MRC1: variants seen among roughly 807,000 people sequenced by gnomAD.
The protein encoded by MRC1 is macrophage mannose receptor 1.
MRC1 carries 62 observed loss-of-function variants against 102.9 expected under a neutral mutation model. That is an observed-to-expected ratio of 0.60 (90% confidence interval 0.49 to 0.74). MRC1 has a LOEUF of 0.74. Among genes scored for constraint, MRC1 ranks in the 30% least tolerant of loss-of-function variants. The pLI, the probability that MRC1 is intolerant of heterozygous loss-of-function variation, is 0.00. For synonymous variants in MRC1, 457 were observed against 298.4 expected (o/e 1.53, Z -5.48); for missense variants, 1,237 against 862.8 (o/e 1.43, Z -5.43).
At chr10:17,894,875 T>G (rs1174376125) in intron 23 of MRC1, among the ~76,000 whole-genome samples, 1 of 152,114 alleles carries the variant, frequency 6.6e-6, no homozygotes, top group African/African-American at 2.4e-5. Context: ...AAATGTACTT[T>G]AAAATATATA....
chr10:17,812,527 G>A (rs1838239360), intron 1 of MRC1, among the ~76,000 whole-genome samples: 1 of 149,994 alleles, frequency 6.7e-6, no homozygotes, highest in Non-Finnish European at 1.5e-5. Context: ...CTGACTTGAT[G>A]CCCCTGGGGG....
chr10:17,873,987 A>G (rs1833391108), intron 16 of MRC1, among the ~76,000 whole-genome samples, 162 bp downstream of exon 16: 1 of 152,216 alleles, frequency 6.6e-6, no homozygotes, highest in African/African-American at 2.4e-5. Context: ...CTCTCCAGAG[A>G]GAAGCTCATA....
intron 9 of MRC1, among the ~76,000 whole-genome samples, chr10:17,860,374 C>T (rs1833166888): frequency 1.3e-5 from 2 of 151,610 alleles, no homozygotes; most frequent in African/African-American, 4.8e-5. Flanking sequence ...CTCCTTGGCT[C>T]AGTCAATCCT....
intron 6 of MRC1, among the ~76,000 whole-genome samples, chr10:17,846,505 C>G (rs1306225824): frequency 7.2e-5 from 11 of 152,086 alleles, no homozygotes; most frequent in African/African-American, 2.7e-4. Flanking sequence ...CTTGACATAG[C>G]TAGAGATTCA....
intron 21 of MRC1, among the ~76,000 whole-genome samples, chr10:17,884,288 C>T (rs1232293558): frequency 6.6e-6 from 1 of 152,162 alleles, no homozygotes; most frequent in African/African-American, 2.4e-5. Context: ...AGCATTTTAG[C>T]ATCAGGATGG....
intron 17 of MRC1, among the ~76,000 whole-genome samples, chr10:17,877,600 A>G (rs1379184667): frequency 6.6e-6 from 1 of 152,042 alleles, no homozygotes; most frequent in Non-Finnish European, 1.5e-5. Context: ...ATTCTCCATA[A>G]TGTTAAATGC....
chr10:17,910,473 A>T lies in MRC1; in HGVS notation c.*8A>T. ...GAACACTCGGTCATCTAGTACCTCA[A>T]TGCGATTCTGAGATATTTGAATTTC... On this transcript the variant is annotated 3_prime_UTR_variant, in exon 30 of 30. Coordinates refer to ENST00000569591, the MANE Select transcript of MRC1 (RefSeq NM_002438.4). 1 of 780,802 alleles carries T rather than the reference A, an allele frequency of 1.3e-6. No homozygotes were observed. The highest frequency in any genetic ancestry group is 2.4e-6 in the Non-Finnish European group (1 of 417,938). The allele number at this position is 780,802 out of a possible 1,614,324, so 48.4% of individuals were successfully genotyped here.
In MRC1 at chr10:17,863,613, A is replaced by G. The variant is rs1270083178; in HGVS notation, c.1714A>G (p.Thr572Ala). 189 of 780,884 alleles carry G rather than the reference A, an allele frequency of 2.4e-4. 5 individuals carry two copies. The East Asian group carries it at 4.6e-3, about 19-fold the overall frequency. 48.4% of individuals were successfully genotyped at this position (780,884 alleles called of 1,614,324 possible). Residue 572 changes from threonine (T) to alanine (A), a missense_variant, in exon 11 of 30, where the codon ACC (threonine) becomes GCC (alanine). Physicochemically the swap from Thr to Ala is moderately conservative, Grantham distance 58 (BLOSUM62 0). Transcript: ENST00000569591. Reference sequence around the variant, plus strand: ...CTGGACAGGACTTTCAGATATACAAACCAAAGGGACTTTTCAGTGGACCAT... The same window carrying G: ...CTGGACAGGACTTTCAGATATACAAGCCAAAGGGACTTTTCAGTGGACCAT... ...YFWTGLSDIQ[T>A]KGTFQWTIEE...
In MRC1 at chr10:17,819,354, G is replaced by T. The variant is rs959593585; in HGVS notation, c.62-3720G>T. Among the ~76,000 whole-genome samples the T allele has an allele frequency of 2.6e-3, 394 of 152,064 alleles. 3 individuals are homozygous for T. The highest frequency in any genetic ancestry group is 3.6e-3 in the Non-Finnish European group (247 of 68,016). On this transcript the variant is annotated intron_variant, in intron 1 of 29. Transcript: ENST00000569591. ...TTTGATGATTCCATTTTCAAGAGAG[G>T]AAGATTAGAGCCAAACCATGGTGGC...
intron 6 of MRC1, among the ~76,000 whole-genome samples, chr10:17,846,628 C>T (rs1554840247): frequency 6.6e-6 from 1 of 152,158 alleles, no homozygotes; most frequent in Non-Finnish European, 1.5e-5. Context: ...TATTCTGTGA[C>T]TATATAAACA....
chr10:17,831,786 C>A (rs1306379804), intron 3 of MRC1, among the ~76,000 whole-genome samples: 3 of 151,540 alleles, frequency 2.0e-5, no homozygotes, highest in Admixed American at 6.6e-5. Context: ...ATGAAGCATG[C>A]CAAAATATTT....
chr10:17,834,002 G>C (rs1554839272), intron 4 of MRC1, among the ~76,000 whole-genome samples, 163 bp downstream of exon 4: 1 of 152,214 alleles, frequency 6.6e-6, no homozygotes, highest in African/African-American at 2.4e-5. Flanking sequence ...AATGACACCA[G>C]GGATGGCAAA....
In MRC1 at chr10:17,875,097, A is replaced by T. The variant is rs1833411537; in HGVS notation, c.2394A>T (p.Pro798=). The T allele has an allele frequency of 2.6e-6, 2 of 780,828 alleles. No individual in the cohort carries two copies. Among genetic ancestry groups the T allele is most frequent in the Non-Finnish European group, 4.8e-6 (2 of 417,922 alleles). The allele number at this position is 780,828 out of a possible 1,614,324, so 48.4% of individuals were successfully genotyped here. ...TTCTCATTAACTTTTCAGATCCACC[A>T]GTTACTGAAGATGGGTGGGTTATTT... ...EPTPAPQDNP[P]VTEDGWVIYK... is the part of the protein sequence containing the mutation. The change falls in exon 17 of 30, where the codon CCA becomes CCT. Residue 798 remains proline, a synonymous_variant. Coordinates refer to ENST00000569591, the MANE Select transcript of MRC1 (RefSeq NM_002438.4).
At chr10:17,848,462 CT>C (rs1838859776) in intron 6 of MRC1, among the ~76,000 whole-genome samples, 1 of 152,132 alleles carries the variant, frequency 6.6e-6, no homozygotes, top group Non-Finnish European at 1.5e-5. Flanking sequence ...TCACTTTCCC[CT>C]AGCTCATTAC....
In MRC1 at chr10:17,872,187, A is replaced by G. The variant is rs1833363300; in HGVS notation, c.2344+61A>G. ...GTAGACTAACCTCCTGACACCCCAGAATCTTTCCTTTATTAGCAGAAGCAA... is the reference window on the plus strand; with the variant it reads ...GTAGACTAACCTCCTGACACCCCAGGATCTTTCCTTTATTAGCAGAAGCAA... On this transcript the variant is annotated intron_variant, in intron 15 of 29. Coordinates refer to ENST00000569591, the MANE Select transcript of MRC1 (RefSeq NM_002438.4). 3.9e-6 allele frequency: 3 copies of G among 778,974 alleles called. No individual in the cohort carries two copies. In the East Asian group the frequency reaches 7.3e-5, roughly 19 times the overall value. 48.3% of individuals were successfully genotyped at this position (778,974 alleles called of 1,614,324 possible).
chr10:17,833,570 G>C, intron 3 of MRC1, 105 bp from the exon 4 acceptor site: 1 of 691,748 alleles, frequency 1.4e-6, no homozygotes, highest in Non-Finnish European at 2.7e-6. Flanking sequence ...AGGAAAGAAA[G>C]AAAGTGCTTC....
Position 17,861,467 on chromosome 10 carries a change from T to G in MRC1, c.1599T>G (p.Asn533Lys). 2.3e-6 allele frequency: 2 copies of G among 872,338 alleles called. No homozygotes were observed. The highest frequency in any genetic ancestry group is 4.0e-6 in the Non-Finnish European group (2 of 501,292). 54.0% of individuals were successfully genotyped at this position (872,338 alleles called of 1,614,324 possible). The change falls in exon 10 of 30, where the codon AAT (asparagine) becomes AAG (lysine). Residue 533 changes from asparagine to lysine, a missense_variant. Transcript: ENST00000569591. ...STFAEANQTCNNENAYLTTIE... is the reference protein window; with the variant it reads ...STFAEANQTCKNENAYLTTIE... ...TTGCAGAAGCAAACCAAACCTGTAA[T>G]AATGAGAATGCTTATTTAACAACTA...
rs146705502 is a variant in MRC1 at position 17,849,658 on chromosome 10, A to G, written c.1143A>G (p.Lys381=). 199 of 781,024 alleles carry G rather than the reference A, an allele frequency of 2.5e-4. No individual in the cohort carries two copies. In the African/African-American group the frequency reaches 3.1e-3, roughly 12 times the overall value. 48.4% of individuals were successfully genotyped at this position (781,024 alleles called of 1,614,324 possible). A position where few individuals can be genotyped will look rare whatever the true frequency, so the allele number is the denominator to read the frequency against. ...GTTACAAGATTCACAGAGATGAGAA[A>G]AAAATCCAGAGGGATGCTCTGACCA... ...GHCYKIHRDE[K]KIQRDALTTC... The change falls in exon 7 of 30, where the codon AAA becomes AAG. Residue 381 remains lysine (K), a synonymous_variant. Coordinates refer to ENST00000569591, the MANE Select transcript of MRC1 (RefSeq NM_002438.4).
At chr10:17,869,451 A>G (rs1833323648) in intron 12 of MRC1, among the ~76,000 whole-genome samples, 1 of 152,058 alleles carries the variant, frequency 6.6e-6, no homozygotes, top group Non-Finnish European at 1.5e-5. Context: ...TTTTTCCCAC[A>G]AGGCTGTGAT....
Sources: gnomAD v4.1 joint callset for allele counts (sites outside exome capture counted in the v4.1 genomes callset) on GRCh38, gnomAD v4.1.1 for gene constraint, MANE v1.5 for transcripts, NCBI Gene and HGNC (gene_info 2026-07-23, HGNC 2026-07-21) for gene names.